Variants in ZAN observed in about 807,000 individuals in gnomAD.
ZAN encodes zonadhesin.
ZAN carries 260 observed loss-of-function variants against 286.2 expected under a neutral mutation model. The observed-to-expected ratio is 0.91, with a 90% confidence interval of 0.82 to 1.01. The LOEUF (loss-of-function observed/expected upper bound fraction) is 1.01. Ranked by LOEUF, ZAN falls within the 50% of genes least tolerant of loss-of-function variation. The pLI is 0.00. For synonymous variants in ZAN, 1,368 were observed against 1,417.5 expected, an observed-to-expected ratio of 0.97 and a Z score of 0.79; for missense variants, 3,410 against 3,639.2, an observed-to-expected ratio of 0.94 and a Z score of 1.62.
chr7:100,766,864 G>A, intron 24 of ZAN, 146 bp from the exon 25 acceptor site: 3 of 1,485,412 alleles, frequency 2.0e-6, no homozygotes, highest in Non-Finnish European at 1.8e-6. Flanking sequence ...TCCAAGCCAA[G>A]CCAACCACAC....
intron 42 of ZAN, among the ~76,000 whole-genome samples, chr7:100,793,533 G>C (rs1812136324): frequency 6.6e-6 from 1 of 151,838 alleles, no homozygotes; most frequent in Non-Finnish European, 1.5e-5. Context: ...TCCGCCTCCT[G>C]GGTTCAAGCG....
intron 12 of ZAN, 84 bp from the exon 13 acceptor site, chr7:100,751,098 C>T: frequency 7.4e-7 from 1 of 1,352,556 alleles, no homozygotes; most frequent in Non-Finnish European, 1.0e-6. Context: ...TGGCAGAGAA[C>T]AGATTCTATG....
At chr7:100,793,022 AAAAG>A (rs1277305943) in intron 42 of ZAN, among the ~76,000 whole-genome samples, 1 of 149,714 alleles carries the variant, frequency 6.7e-6, no homozygotes, top group African/African-American at 2.4e-5. Context: ...AAGAACGAAA[AAAAG>A]AAAGAAATTA....
chr7:100,747,891 C>A (rs1276814694), intron 9 of ZAN, among the ~76,000 whole-genome samples: 1 of 151,414 alleles, frequency 6.6e-6, no homozygotes, highest in Non-Finnish European at 1.5e-5. Context: ...ACTAGGGAGC[C>A]TGAGGTGGGA....
intron 6 of ZAN, among the ~76,000 whole-genome samples, chr7:100,737,977 A>G (rs1458912882): frequency 7.3e-6 from 1 of 137,830 alleles, no homozygotes; most frequent in Admixed American, 7.3e-5. Flanking sequence ...TTTATTTGAG[A>G]CGGAATTTCA....
chr7:100,783,783 T>TATATACACACAC (rs377402352), intron 35 of ZAN, among the ~76,000 whole-genome samples: 2 of 20,488 alleles, frequency 9.8e-5, no homozygotes, highest in South Asian at 1.9e-3. Flanking sequence ...TATATATATA[T>TATATACACACAC]ACACATATAT....
chr7:100,786,157 G>C lies in ZAN; in HGVS notation c.6979+16G>C, dbSNP rs1322906318. The C allele has an allele frequency of 1.9e-6, 3 of 1,613,264 alleles. No homozygotes were observed. The South Asian group carries it at 3.3e-5, about 18-fold the overall frequency. ...GTCTCAGACAGTAAGGGGAGCGACC[G>C]GGGAGGTTGGAGAGGGGAGCACCTG... On this transcript the variant is annotated intron_variant, in intron 37 of 47. Coordinates refer to ENST00000613979, the MANE Select transcript of ZAN (RefSeq NM_003386.3).
Position 100,763,407 on chromosome 7 carries a change from T to C in ZAN, c.3987-399T>C, listed in dbSNP as rs879489950. Among the ~76,000 whole-genome samples, 1 of 152,192 alleles carries C rather than the reference T, an allele frequency of 6.6e-6. No homozygotes were observed. Among genetic ancestry groups the C allele is most frequent in the African/African-American group, 2.4e-5 (1 of 41,466 alleles). On this transcript the variant is annotated intron_variant, in intron 20 of 47. Transcript: ENST00000613979. This position sits in a 1 kb window ranked among gnomAD's most constrained non-coding sequence, Gnocchi z 4.6. ...TGTTTTTAGAGACAGGGCCTTGCTC[T>C]GTCGCCCAGGCTGGAGTGCAGTGGT... is the stretch of plus-strand genomic sequence containing the variant.
At chr7:100,751,318 G>A in intron 13 of ZAN, 52 bp downstream of exon 13, 1 of 1,339,892 alleles carries the variant, frequency 7.5e-7, no homozygotes, top group Non-Finnish European at 1.0e-6. Flanking sequence ...GAGGTTCCCT[G>A]GAGTTCTCTC....
In ZAN at chr7:100,753,189, T is replaced by A. The variant is rs771857150; in HGVS notation, c.3084T>A (p.Ser1028Arg). ...SPHAPSTPMTSVILGTTTTSR... is the reference protein window; with the variant it reads ...SPHAPSTPMTRVILGTTTTSR... ...ATGCTCCAAGTACCCCTATGACCAG[T>A]GTGATTCTGGGCACTACCACAACCT... The change falls in exon 14 of 48, where the codon AGT (serine) becomes AGA (arginine). Residue 1028 changes from serine (S) to arginine (R), a missense_variant. Physicochemically the swap from Ser to Arg is moderately radical, Grantham distance 110. This residue lies in a region of ZAN where 1,042 missense variants were observed against 1,058.0 expected (regional missense o/e 0.98). Transcript: ENST00000613979. The A allele has an allele frequency of 6.2e-7, 1 of 1,608,924 alleles. No homozygotes were observed. Among genetic ancestry groups the A allele is most frequent in the East Asian group, 2.2e-5 (1 of 44,798 alleles).
chr7:100,771,965 G>T lies in ZAN; in HGVS notation c.5370G>T (p.Ala1790=), dbSNP rs184998547. 3.7e-6 allele frequency: 6 copies of T among 1,609,750 alleles called. No individual in the cohort carries two copies. In the South Asian group the frequency reaches 6.6e-5, roughly 18 times the overall value. The change falls in exon 29 of 48, where the codon GCG becomes GCT. Residue 1790 remains alanine (A), a synonymous_variant. Transcript: ENST00000613979. ...TALCRSLQAY[A]SLCAQAGQAP... is the part of the protein sequence containing the mutation. ...TGTGCCGCTCCCTGCAGGCCTACGC[G>T]TCCCTGTGTGCCCAGGCTGGCCAGG... is the stretch of plus-strand genomic sequence containing the variant.
rs777825904 is a variant in ZAN, at chr7:100,789,187, C to T, written c.7228-31C>T. ...TGGCAGCAGGTCAGGAGGATTCAGCCCTGTCTGTGGCTCCTGTCTTCCCTC... is the reference window on the plus strand; with the variant it reads ...TGGCAGCAGGTCAGGAGGATTCAGCTCTGTCTGTGGCTCCTGTCTTCCCTC... On this transcript the variant is annotated intron_variant, in intron 38 of 47. Coordinates refer to ENST00000613979, the MANE Select transcript of ZAN (RefSeq NM_003386.3). 9.3e-6 allele frequency: 15 copies of T among 1,606,038 alleles called. No homozygotes were observed. In the East Asian group the frequency reaches 3.4e-4, roughly 36 times the overall value.
chr7:100,776,663 CCCCT>C (rs1810820883), intron 34 of ZAN, 99 bp downstream of exon 34: 7 of 548,418 alleles, frequency 1.3e-5, no homozygotes, highest in African/African-American at 2.2e-5. Context: ...CCCCTCCCCT[CCCCT>C]TCCTTCCTTT....
rs768612173 is a variant in ZAN, at chr7:100,752,132, T to TCATCCCTACAGAAAAACCCAG, written c.2055_2075dup (p.Ser690_Pro696dup). ...ACCACCACCTCCATGGAAGAGCCTG[T>TCATCCCTACAGAAAAACCCAG]CATCCCTACAGAAAAACCCAGCATC... On this transcript the variant is annotated inframe_insertion, in exon 14 of 48. Coordinates refer to ENST00000613979, the MANE Select transcript of ZAN (RefSeq NM_003386.3). 9 of 1,580,656 alleles carry TCATCCCTACAGAAAAACCCAG rather than the reference T, an allele frequency of 5.7e-6. No homozygotes were observed. Among genetic ancestry groups the TCATCCCTACAGAAAAACCCAG allele is most frequent in the East Asian group, 2.3e-5 (1 of 43,262 alleles).
chr7:100,776,826 G>A (rs1479507860), intron 34 of ZAN, among the ~76,000 whole-genome samples: 3 of 128,682 alleles, frequency 2.3e-5, no homozygotes, highest in Non-Finnish European at 3.2e-5. Flanking sequence ...TCTGCTTCCC[G>A]GGTTCACGCC....
chr7:100,769,829 G>C (rs1810255807), intron 27 of ZAN, 51 bp from the exon 28 acceptor site: 2 of 1,506,206 alleles, frequency 1.3e-6, no homozygotes, highest in South Asian at 2.4e-5. Context: ...TTATAGGCAT[G>C]AGCCACTGCA....
chr7:100,792,520 G>T lies in ZAN; in HGVS notation c.7787+41G>T, dbSNP rs1390679214. The T allele has an allele frequency of 2.5e-6, 4 of 1,611,940 alleles. No homozygotes were observed. The Admixed American group carries it at 5.0e-5, about 20-fold the overall frequency. ...CCAGGAGGCGGGCGCTGCCCTGGCT[G>T]GCTGGCGGGACCGCACCCTCTGCGG... On this transcript the variant is annotated intron_variant, in intron 42 of 47. Coordinates refer to ENST00000613979, the MANE Select transcript of ZAN (RefSeq NM_003386.3).
At chr7:100,776,771 G>T (rs1190096736) in intron 34 of ZAN, among the ~76,000 whole-genome samples, 2 of 115,170 alleles carry the variant, frequency 1.7e-5, no homozygotes, top group Non-Finnish European at 3.3e-5. Flanking sequence ...TGTCGCCCAG[G>T]CCGGACTGCG....
intron 14 of ZAN, among the ~76,000 whole-genome samples, chr7:100,754,322 G>T (rs1287886007): frequency 6.6e-6 from 1 of 151,718 alleles, no homozygotes; most frequent in Non-Finnish European, 1.5e-5. Flanking sequence ...AGCTGAGCGT[G>T]GTGGTGGGTG....
Sources: allele counts gnomAD v4.1 joint callset (sites outside exome capture counted in the v4.1 genomes callset), GRCh38; gene constraint gnomAD v4.1.1; regional missense constraint gnomAD v4.1.1; non-coding constraint Gnocchi (gnomAD v3.1); transcripts MANE v1.5; gene names NCBI Gene and HGNC (gene_info 2026-07-23, HGNC 2026-07-21).